Variants in DGKB observed in about 807,000 individuals in gnomAD.
The protein encoded by DGKB is 90 kDa diacylglycerol kinase.
In DGKB, 67 loss-of-function variants were observed where a neutral mutation model predicts 114.3. That is an observed-to-expected ratio of 0.59 (90% CI 0.48 to 0.72). The LOEUF (loss-of-function observed/expected upper bound fraction) is 0.72, where lower values mean the gene tolerates loss of function less well. Among genes scored for constraint, DGKB ranks in the 30% least tolerant of loss-of-function variants. The pLI is 0.00. For missense variants in DGKB, 907 were observed against 975.2 expected (o/e 0.93, Z 0.93); for synonymous variants, 398 against 323.1 (o/e 1.23, Z -2.49).
intron 1 of DGKB, among the ~76,000 whole-genome samples, chr7:14,928,332 T>C (rs895208171): frequency 4.6e-5 from 7 of 151,950 alleles, no homozygotes; most frequent in African/African-American, 9.7e-5. Context: ...TACTGATACA[T>C]TGATTTTACT....
intron 20 of DGKB, among the ~76,000 whole-genome samples, chr7:14,488,984 T>C (rs1205231138): frequency 6.6e-6 from 1 of 152,112 alleles, no homozygotes; most frequent in Non-Finnish European, 1.5e-5. Flanking sequence ...GAATTAAAAG[T>C]GTAATCCAAC....
intron 15 of DGKB, among the ~76,000 whole-genome samples, chr7:14,619,249 T>A (rs1585145800): frequency 6.6e-6 from 1 of 151,498 alleles, no homozygotes; most frequent in South Asian, 2.1e-4. Flanking sequence ...AGCTGACACT[T>A]TTATATGTCA....
At chr7:14,697,681 G>T (rs951586908) in intron 8 of DGKB, among the ~76,000 whole-genome samples, 1 of 127,076 alleles carries the variant, frequency 7.9e-6, no homozygotes, top group Non-Finnish European at 1.7e-5. Context: ...AGAAAGAAAA[G>T]AAAAGGAAGG....
intron 20 of DGKB, among the ~76,000 whole-genome samples, chr7:14,554,390 A>C (rs982472804): frequency 6.6e-6 from 1 of 152,012 alleles, no homozygotes; most frequent in Non-Finnish European, 1.5e-5. Context: ...TTTAATGTTA[A>C]ATTTTGGGGA....
At chr7:14,853,649 C>T (rs532012536) in intron 1 of DGKB, among the ~76,000 whole-genome samples, 2 of 151,818 alleles carry the variant, frequency 1.3e-5, no homozygotes, top group East Asian at 3.9e-4. Context: ...GTGGTCAGGA[C>T]ATCGAGACCA....
At chr7:14,308,203 C>T (rs116639349) in intron 23 of DGKB, among the ~76,000 whole-genome samples, 1 of 151,984 alleles carries the variant, frequency 6.6e-6, no homozygotes, top group Non-Finnish European at 1.5e-5. Flanking sequence ...ATGTCATAAA[C>T]ATTTTCAAAT....
At chr7:14,524,148 A>G (rs1790246139) in intron 20 of DGKB, among the ~76,000 whole-genome samples, 1 of 152,130 alleles carries the variant, frequency 6.6e-6, no homozygotes, top group South Asian at 2.1e-4. Flanking sequence ...TTTTATATTT[A>G]TTGTGTTATA....
intron 20 of DGKB, among the ~76,000 whole-genome samples, chr7:14,544,331 T>C (rs1793947359): frequency 6.6e-6 from 1 of 152,190 alleles, no homozygotes; most frequent in African/African-American, 2.4e-5. Context: ...GACATTTTGT[T>C]TGCAGATTCT....
rs1487447738 is a variant in DGKB at position 14,576,375 on chromosome 7, ATAAG to A, written c.1610-2007_1610-2004del. 1.6e-4 allele frequency among the ~76,000 whole-genome samples: 25 copies of A among 151,952 alleles called. No homozygotes were observed. The East Asian group carries it at 1.7e-3, about 11-fold the overall frequency. On this transcript the variant is annotated intron_variant, in intron 19 of 25. Transcript: ENST00000402815. Reference sequence around the variant, plus strand: ...TAATTGTTAATTTCTTTTAAGAAGTATAAGTAATAGCTCCCCAAATAAATTATAT... The same window carrying A: ...TAATTGTTAATTTCTTTTAAGAAGTATAATAGCTCCCCAAATAAATTATAT...
At chr7:14,173,403 G>C (rs1367294768) in intron 25 of DGKB, among the ~76,000 whole-genome samples, 1 of 152,136 alleles carries the variant, frequency 6.6e-6, no homozygotes, top group Non-Finnish European at 1.5e-5. Flanking sequence ...ATGGCACCAA[G>C]TGCAATCACA....
chr7:14,710,703 AGTT>A (rs2128333616), intron 6 of DGKB, among the ~76,000 whole-genome samples: 1 of 152,134 alleles, frequency 6.6e-6, no homozygotes, highest in African/African-American at 2.4e-5. Context: ...TTGCTATTAC[AGTT>A]GTTTTGTTTT....
chr7:14,457,435 G>T (rs1230636856), intron 21 of DGKB, among the ~76,000 whole-genome samples: 1 of 152,050 alleles, frequency 6.6e-6, no homozygotes, highest in African/African-American at 2.4e-5. Context: ...AGTATTGCTT[G>T]CATTTTGGAA....
intron 2 of DGKB, among the ~76,000 whole-genome samples, chr7:14,765,530 T>C (rs1271419730): frequency 6.6e-6 from 1 of 151,994 alleles, no homozygotes; most frequent in Admixed American, 6.6e-5. Flanking sequence ...TTGCTGGTAA[T>C]TTTTACTCCT....
chr7:14,284,253 T>G (rs1562835636), intron 23 of DGKB, among the ~76,000 whole-genome samples: 1 of 147,110 alleles, frequency 6.8e-6, no homozygotes, highest in Non-Finnish European at 1.5e-5. Flanking sequence ...AAAAAACACA[T>G]GAAAAAATGC....
chr7:14,974,282 A>G (rs889115057), intron 1 of DGKB, among the ~76,000 whole-genome samples: 4 of 152,064 alleles, frequency 2.6e-5, no homozygotes, highest in African/African-American at 9.7e-5. Context: ...TTTATTTTCT[A>G]TAGGACACCC....
intron 20 of DGKB, 131 bp from the exon 21 acceptor site, chr7:14,478,356 T>C (rs577926163): frequency 5.8e-5 from 32 of 552,388 alleles, no homozygotes; most frequent in African/African-American, 4.6e-4. Flanking sequence ...AAGAAGGTTA[T>C]GTAAAATTAG....
intron 21 of DGKB, among the ~76,000 whole-genome samples, chr7:14,383,140 T>C (rs1819756735): frequency 6.6e-6 from 1 of 152,168 alleles, no homozygotes; most frequent in African/African-American, 2.4e-5. Flanking sequence ...TTTTCTATTT[T>C]CAATAGTATC....
intron 1 of DGKB, among the ~76,000 whole-genome samples, chr7:14,919,089 CACACAA>C (rs1337182680): frequency 5.7e-4 from 71 of 124,350 alleles, no homozygotes; most frequent in East Asian, 2.1e-3. Context: ...CACACACACA[CACACAA>C]ACACACACAC....
At chr7:14,747,504 A>T (rs911867091) in intron 4 of DGKB, among the ~76,000 whole-genome samples, 1 of 152,040 alleles carries the variant, frequency 6.6e-6, no homozygotes, top group Admixed American at 6.6e-5. Context: ...TGTTGTCCAC[A>T]TTATTAGACA....
Sources: gnomAD v4.1 joint callset for allele counts (sites outside exome capture counted in the v4.1 genomes callset) on GRCh38, gnomAD v4.1.1 for gene constraint, MANE v1.5 for transcripts, NCBI Gene and HGNC (gene_info 2026-07-23, HGNC 2026-07-21) for gene names.